Variants in MRC2 observed in about 807,000 individuals in gnomAD.
The protein encoded by MRC2 is mannose receptor C-type 2.
In MRC2, 84 loss-of-function variants were observed where a neutral mutation model predicts 206.2. The ratio of observed to expected loss-of-function variants is 0.41; its 90% CI spans 0.34 to 0.49. The LOEUF is 0.49. Among genes scored for constraint, MRC2 ranks in the 20% least tolerant of loss-of-function variants. The pLI, the probability that MRC2 is intolerant of heterozygous loss-of-function variation, is 0.31. For missense variants in MRC2, 1,676 were observed against 2,001.5 expected (o/e 0.84, Z 3.10); for synonymous variants, 798 against 800.0 (o/e 1.00, Z 0.04).
chr17:62,645,747 C>G (rs1223424820), intron 1 of MRC2, among the ~76,000 whole-genome samples: 1 of 150,720 alleles, frequency 6.6e-6, no homozygotes, highest in Non-Finnish European at 1.5e-5. Context: ...GCCATGTTGC[C>G]CAGGCTGGTC....
At chr17:62,678,779 T>A in intron 13 of MRC2, 133 bp downstream of exon 13, 1 of 1,302,146 alleles carries the variant, frequency 7.7e-7, no homozygotes, top group Non-Finnish European at 1.1e-6. Flanking sequence ...GAGGCCTGCA[T>A]CTGCTGCTGG....
In MRC2 at chr17:62,667,115, G is replaced by A. The variant is rs2088767275; in HGVS notation, c.973+245G>A. ...CTCACCTCTTCAGCCACCCCTGTGG[G>A]CAGCGGGCACCAGCGCACCCAGCAG... On this transcript the variant is annotated intron_variant, in intron 5 of 29. Transcript: ENST00000303375. The surrounding 1 kb of genome is among the most constrained non-coding windows in gnomAD (Gnocchi z 4.1). Among the ~76,000 whole-genome samples, 1 of 152,142 alleles carries A rather than the reference G, an allele frequency of 6.6e-6. No individual in the cohort carries two copies. The highest frequency in any genetic ancestry group is 1.5e-5 in the Non-Finnish European group (1 of 68,008).
At position 62,666,093 on chromosome 17, in the gene MRC2, G is replaced by C; in HGVS notation, c.521-1G>C. Reference sequence around the variant, plus strand: ...GCCTGGCCCCTGTCCACCCCCTGCAGAGGTCTACACCATCCAGGGAAACTC... The same window carrying C: ...GCCTGGCCCCTGTCCACCCCCTGCACAGGTCTACACCATCCAGGGAAACTC... On this transcript the variant is annotated splice_acceptor_variant, in intron 2 of 29. Transcript: ENST00000303375. LOFTEE classifies it high-confidence loss of function. The surrounding 1 kb of genome is among the most constrained non-coding windows in gnomAD (Gnocchi z 5.0). The C allele has an allele frequency of 6.3e-7, 1 of 1,585,204 alleles. No homozygotes were observed. The highest frequency in any genetic ancestry group is 8.6e-7 in the Non-Finnish European group (1 of 1,165,142).
At chr17:62,668,404 AAAAG>A (rs1480649745) in intron 6 of MRC2, among the ~76,000 whole-genome samples, 2 of 151,754 alleles carry the variant, frequency 1.3e-5, no homozygotes, top group African/African-American at 4.8e-5. Flanking sequence ...AAAAAAAGAA[AAAAG>A]AAAGAAAAAG....
Position 62,672,134 on chromosome 17 carries a change from T to C in MRC2, c.1443T>C (p.Cys481=). Residue 481 remains cysteine (C), a synonymous_variant, in exon 8 of 30, where the codon TGT becomes TGC. Coordinates refer to ENST00000303375, the MANE Select transcript of MRC2 (RefSeq NM_006039.5). The surrounding 1 kb of genome is among the most constrained non-coding windows in gnomAD (Gnocchi z 4.5). Reference sequence around the variant, plus strand: ...ACTTCCGGGACAGTCTGGAGGACTGTGTCACCATCTGGGGCCCGGTGAGAT... The same window carrying C: ...ACTTCCGGGACAGTCTGGAGGACTGCGTCACCATCTGGGGCCCGGTGAGAT... ...PNNFRDSLED[C]VTIWGPEGRW... 1 of 1,614,038 alleles carries C rather than the reference T, an allele frequency of 6.2e-7. No individual in the cohort carries two copies. Among genetic ancestry groups the C allele is most frequent in the Non-Finnish European group, 8.5e-7 (1 of 1,180,006 alleles).
In MRC2 at chr17:62,675,045, T is replaced by G. The variant is rs1413577717; in HGVS notation, c.1570-745T>G. ...GGGAGAGCAGAGCCCAGCTGCGGAG[T>G]CTGTGGACTGGCAAGGACAGTGCCT... On this transcript the variant is annotated intron_variant, in intron 9 of 29. Coordinates refer to ENST00000303375, the MANE Select transcript of MRC2 (RefSeq NM_006039.5). The surrounding 1 kb of genome is among the most constrained non-coding windows in gnomAD (Gnocchi z 4.1). Among the ~76,000 whole-genome samples, 1 of 151,880 alleles carries G rather than the reference T, an allele frequency of 6.6e-6. No homozygotes were observed. The highest frequency in any genetic ancestry group is 1.5e-5 in the Non-Finnish European group (1 of 67,962).
chr17:62,690,964 G>C lies in MRC2; in HGVS notation c.4028G>C (p.Trp1343Ser). 1 of 1,604,994 alleles carries C rather than the reference G, an allele frequency of 6.2e-7. No individual in the cohort carries two copies. The highest frequency in any genetic ancestry group is 8.5e-7 in the Non-Finnish European group (1 of 1,176,618). Residue 1343 changes from tryptophan to serine, a missense_variant, in exon 28 of 30, where the codon TGG (tryptophan) becomes TCG (serine). This residue lies in a region of MRC2 where 1,354 missense variants were observed against 1,636.6 expected (regional missense o/e 0.83). Coordinates refer to ENST00000303375, the MANE Select transcript of MRC2 (RefSeq NM_006039.5). ...TTTCCTGCAGGAGGCACTCTGGTCT[G>C]GCAGGACAACACAGCTGTGAACTAC... Reference protein sequence around the residue: ...NFNPKGGTLVWQDNTAVNYSN... With the variant: ...NFNPKGGTLVSQDNTAVNYSN...
chr17:62,688,216 C>T lies in MRC2; in HGVS notation c.2947-73C>T, dbSNP rs550622444. 3.6e-5 allele frequency: 47 copies of T among 1,318,294 alleles called. No homozygotes were observed. The Middle Eastern group carries it at 6.3e-4, about 18-fold the overall frequency. 81.7% of individuals were successfully genotyped at this position (1,318,294 alleles called of 1,614,324 possible). On this transcript the variant is annotated intron_variant, in intron 20 of 29. Coordinates refer to ENST00000303375, the MANE Select transcript of MRC2 (RefSeq NM_006039.5). ...CCCCCCAGGACCTGCTGCTGAGGGGCGCACAGTGGCCTTTCTGGGTTTGTG... is the reference window on the plus strand; with the variant it reads ...CCCCCCAGGACCTGCTGCTGAGGGGTGCACAGTGGCCTTTCTGGGTTTGTG...
Position 62,690,669 on chromosome 17 carries a change from A to C in MRC2, c.3920A>C (p.Asp1307Ala). Residue 1307 changes from aspartate to alanine, a missense_variant, in exon 27 of 30, where the codon GAT becomes GCT. Coordinates refer to ENST00000303375, the MANE Select transcript of MRC2 (RefSeq NM_006039.5). ...RAGGAVLSIL[D>A]EMENVFVWEH... ...GGTGGGGCCGTCCTGTCTATCCTGG[A>C]TGAGATGGAGAATGTGTTTGTCTGG... The C allele has an allele frequency of 6.2e-7, 1 of 1,612,550 alleles. No homozygotes were observed. The highest frequency in any genetic ancestry group is 8.5e-7 in the Non-Finnish European group (1 of 1,179,350).
chr17:62,642,901 AT>A (rs761782056), intron 1 of MRC2, among the ~76,000 whole-genome samples: 11 of 152,346 alleles, frequency 7.2e-5, no homozygotes, highest in Non-Finnish European at 1.6e-4. Flanking sequence ...GAATGGATGA[AT>A]TGTGGCAGCT....
Position 62,691,001 on chromosome 17 carries a change from G to T in MRC2, c.4065G>T (p.Gly1355=). 6.2e-7 allele frequency: 1 copy of T among 1,608,802 alleles called. No homozygotes were observed. The highest frequency in any genetic ancestry group is 8.5e-7 in the Non-Finnish European group (1 of 1,178,462). The part of the protein sequence containing the change: ...DNTAVNYSNW[G]PPGLGPSMLS... The stretch of plus-strand genomic sequence containing the variant: ...CAGCTGTGAACTACTCCAACTGGGG[G>T]CCCCCGGGCTTGGGCCCCAGCATGC... The change falls in exon 28 of 30, where the codon GGG becomes GGT. Residue 1355 remains glycine (G), a synonymous_variant. Transcript: ENST00000303375.
chr17:62,688,628 C>G lies in MRC2; in HGVS notation c.3189C>G (p.Pro1063=). Residue 1063 remains proline (P), a synonymous_variant, in exon 22 of 30, where the codon CCC becomes CCG. Coordinates refer to ENST00000303375, the MANE Select transcript of MRC2 (RefSeq NM_006039.5). ...ATGCCAACTGGGCACCTGGGGAGCC[C>G]TCTGGCCCTAGCCCTGCTCCCAGTG... is the stretch of plus-strand genomic sequence containing the variant. ...LMYANWAPGE[P]SGPSPAPSGN... is the part of the protein sequence containing the mutation. The G allele has an allele frequency of 3.1e-6, 5 of 1,614,152 alleles. No individual in the cohort carries two copies. The highest frequency in any genetic ancestry group is 4.2e-6 in the Non-Finnish European group (5 of 1,180,032).
At position 62,627,708 on chromosome 17, in the gene MRC2, T is replaced by C. The variant is rs575886864; in HGVS notation, c.-95T>C. ...GACCCGGAGGAGGACGCGAGCCCCT[T>C]GCGGGCGGTCATCACAGCCCAGCCT... On this transcript the variant is annotated 5_prime_UTR_variant, in exon 1 of 30. Transcript: ENST00000303375. 531 of 917,934 alleles carry C rather than the reference T, an allele frequency of 5.8e-4. 1 individual carries two copies. In the African/African-American group the frequency reaches 8.2e-3, roughly 14 times the overall value. 56.9% of individuals were successfully genotyped at this position (917,934 alleles called of 1,614,324 possible).
Position 62,628,290 on chromosome 17 carries a change from C to T in MRC2, c.118+370C>T, listed in dbSNP as rs115027816. Among the ~76,000 whole-genome samples the T allele has an allele frequency of 5.8e-3, 878 of 152,224 alleles. 8 individuals are homozygous for T. The highest frequency in any genetic ancestry group is 0.02 in the African/African-American group (836 of 41,558). On this transcript the variant is annotated intron_variant, in intron 1 of 29. Coordinates refer to ENST00000303375, the MANE Select transcript of MRC2 (RefSeq NM_006039.5). ...CGGCAGGGGACCTGCAGGGCGCGCC[C>T]GGGGAGCCAGGGCTCTCTGTCCGGG...
At chr17:62,640,058 C>CA (rs59265158) in intron 1 of MRC2, among the ~76,000 whole-genome samples, 82,219 of 127,556 alleles carry the variant, frequency 0.64, 26,133 homozygotes, top group East Asian at 0.82. Context: ...TTAGTAGAGA[C>CA]GGGGGTTTCT....
In MRC2 at chr17:62,666,959, A is replaced by G; in HGVS notation, c.973+89A>G. On this transcript the variant is annotated intron_variant, in intron 5 of 29. Coordinates refer to ENST00000303375, the MANE Select transcript of MRC2 (RefSeq NM_006039.5). The surrounding 1 kb of genome is among the most constrained non-coding windows in gnomAD (Gnocchi z 5.0). ...GACTCCTCTCCTCATGTCCTCCTGC[A>G]GAGGGGCAGTGTGGGTAGGGGAAGC... 1 of 1,001,952 alleles carries G rather than the reference A, an allele frequency of 1.0e-6. No individual in the cohort carries two copies. The highest frequency in any genetic ancestry group is 1.5e-6 in the Non-Finnish European group (1 of 657,826). 62.1% of individuals were successfully genotyped at this position (1,001,952 alleles called of 1,614,324 possible). A position where few individuals can be genotyped will look rare whatever the true frequency, so the allele number is the denominator to read the frequency against.
At position 62,688,651 on chromosome 17, in the gene MRC2, G is replaced by T; in HGVS notation, c.3212G>T (p.Ser1071Ile). The T allele has an allele frequency of 1.2e-6, 2 of 1,613,836 alleles. No individual in the cohort carries two copies. The highest frequency in any genetic ancestry group is 1.7e-6 in the Non-Finnish European group (2 of 1,179,956). The change falls in exon 22 of 30, where the codon AGT becomes ATT. Residue 1071 changes from serine to isoleucine, a missense_variant. By Grantham distance (142) the Ser-to-Ile change is moderately radical. Around this residue, in one of 3 missense-constraint regions of MRC2, gnomAD observed 1,354 missense variants for 1,636.6 expected, o/e 0.83. Transcript: ENST00000303375. ...CCCTCTGGCCCTAGCCCTGCTCCCAGTGGCAACAAACCGGTGAGGATGCCC... is the reference window on the plus strand; with the variant it reads ...CCCTCTGGCCCTAGCCCTGCTCCCATTGGCAACAAACCGGTGAGGATGCCC... ...GEPSGPSPAP[S>I]GNKPTSCAVV...
chr17:62,661,528 CTCTT>C (rs1364491113), intron 1 of MRC2: 4 of 139,886 alleles, frequency 2.9e-5, no homozygotes, highest in East Asian at 2.1e-4. Context: ...TTCTTTCTTT[CTCTT>C]TCTTTTTCTT....
chr17:62,662,920 CA>C (rs201366001), intron 1 of MRC2, among the ~76,000 whole-genome samples: 2 of 151,524 alleles, frequency 1.3e-5, no homozygotes, highest in Admixed American at 6.6e-5. Context: ...AAAAAAGAAA[CA>C]AAAAAAAGAA....
Sources: allele counts gnomAD v4.1 joint callset (sites outside exome capture counted in the v4.1 genomes callset), GRCh38; gene constraint gnomAD v4.1.1; regional missense constraint gnomAD v4.1.1; non-coding constraint Gnocchi (gnomAD v3.1); transcripts MANE v1.5; gene names NCBI Gene and HGNC (gene_info 2026-07-23, HGNC 2026-07-21).